CLEC4D: variants seen among roughly 807,000 people sequenced by gnomAD.
The protein encoded by CLEC4D is C-type lectin domain family 4 member D, also known as C-type (calcium dependent, carbohydrate-recognition domain) lectin, superfamily member 8.
In CLEC4D, 21 loss-of-function variants were observed where a neutral mutation model predicts 21.1. The observed-to-expected ratio is 1.00, with a 90% CI of 0.71 to 1.43. The LOEUF is 1.43. Ranked by LOEUF, CLEC4D falls within the 40% of genes most tolerant of loss-of-function variation. The pLI is 0.00. For synonymous variants in CLEC4D, 85 were observed against 83.1 expected, an observed-to-expected ratio of 1.02 and a Z score of -0.12; for missense variants, 289 against 260.7, an observed-to-expected ratio of 1.11 and a Z score of -0.75.
In CLEC4D at chr12:8,521,418, T is replaced by G; in HGVS notation, c.*147T>G. 7.1e-7 allele frequency: 1 copy of G among 1,412,470 alleles called. No homozygotes were observed. The highest frequency in any genetic ancestry group is 9.2e-7 in the Non-Finnish European group (1 of 1,083,766). The allele number at this position is 1,412,470 out of a possible 1,614,324, so 87.5% of individuals were successfully genotyped here. ...AATGGTCTTTTTTATTTTGTTTGAT[T>G]CATTCGAGACAACATGTGTGTATGT... On this transcript the variant is annotated 3_prime_UTR_variant, in exon 6 of 6. Coordinates refer to ENST00000299665, the MANE Select transcript of CLEC4D (RefSeq NM_080387.5).
intron 5 of CLEC4D, among the ~76,000 whole-genome samples, chr12:8,520,634 T>G (rs1940446141): frequency 6.6e-6 from 1 of 152,238 alleles, no homozygotes; most frequent in Non-Finnish European, 1.5e-5. Flanking sequence ...GATAAAAATT[T>G]TCTTTGAAAG....
At chr12:8,515,699 TTCTC>T (rs931378228) in intron 2 of CLEC4D, among the ~76,000 whole-genome samples, 3 of 151,922 alleles carry the variant, frequency 2.0e-5, no homozygotes, top group Non-Finnish European at 4.4e-5. Flanking sequence ...GGAAGAATTG[TTCTC>T]TCTCTCTCTT....
downstream of CLEC4D, among the ~76,000 whole-genome samples, chr12:8,524,541 G>A (rs1940492775): frequency 6.6e-6 from 1 of 152,102 alleles, no homozygotes; most frequent in Non-Finnish European, 1.5e-5. Flanking sequence ...GGGATCAGTG[G>A]TGATATCCCC....
At chr12:8,513,809 C>A in intron 1 of CLEC4D, 49 bp downstream of exon 1, 1 of 855,196 alleles carries the variant, frequency 1.2e-6, no homozygotes, top group Non-Finnish European at 2.0e-6. Flanking sequence ...TGGAATTATA[C>A]TAATTTAAAA....
chr12:8,519,174 A>T lies in CLEC4D; in HGVS notation c.384+14A>T. The T allele has an allele frequency of 2.5e-6, 4 of 1,608,764 alleles. No homozygotes were observed. The highest frequency in any genetic ancestry group is 3.4e-6 in the Non-Finnish European group (4 of 1,177,696). On this transcript the variant is annotated intron_variant, in intron 4 of 5. Transcript: ENST00000299665. ...GAAGCTGAGCAGGTGTGTTGGGAGG[A>T]TCACATCAGTTTCTCTGCTGCTTTG...
chr12:8,516,476 A>T (rs1030239236), intron 2 of CLEC4D, among the ~76,000 whole-genome samples: 1 of 152,254 alleles, frequency 6.6e-6, no homozygotes, highest in Non-Finnish European at 1.5e-5. Flanking sequence ...GAAAAATGAA[A>T]TGTCTAATAA....
chr12:8,517,500 T>C (rs1314068948), intron 2 of CLEC4D, among the ~76,000 whole-genome samples: 1 of 136,300 alleles, frequency 7.3e-6, no homozygotes, highest in Non-Finnish European at 1.6e-5. Flanking sequence ...GAAGGGTACA[T>C]TTGTTTATAT....
the CLEC4D span, among the ~76,000 whole-genome samples, chr12:8,530,952 A>G: frequency 6.6e-6 from 1 of 152,228 alleles, no homozygotes; most frequent in East Asian, 1.9e-4. Context: ...TGACCCGCTC[A>G]GGCTCTACCT....
In CLEC4D at chr12:8,521,674, T is replaced by C. The variant is rs770516774; in HGVS notation, c.*403T>C. 1 of 154,946 alleles carries C rather than the reference T, an allele frequency of 6.5e-6. No individual in the cohort carries two copies. Among genetic ancestry groups the C allele is most frequent in the East Asian group, 1.9e-4 (1 of 5,256 alleles). The allele number at this position is 154,946 out of a possible 1,614,324, so 9.6% of individuals were successfully genotyped here. On this transcript the variant is annotated 3_prime_UTR_variant, in exon 6 of 6. Coordinates refer to ENST00000299665, the MANE Select transcript of CLEC4D (RefSeq NM_080387.5). ...GGATATTCTAACTGGTAGTGGTGCA[T>C]CATTTTTAACCCAAATATTGCAAGC... is the stretch of plus-strand genomic sequence containing the variant.
chr12:8,517,966 G>T (rs1940403853), intron 2 of CLEC4D, among the ~76,000 whole-genome samples, 198 bp from the exon 3 acceptor site: 1 of 152,006 alleles, frequency 6.6e-6, no homozygotes, highest in South Asian at 2.1e-4. Context: ...AGGACAATAT[G>T]ATAATAAAAA....
chr12:8,514,669 C>T (rs1330381534), intron 1 of CLEC4D, among the ~76,000 whole-genome samples: 2 of 152,088 alleles, frequency 1.3e-5, no homozygotes, highest in African/African-American at 4.8e-5. Context: ...CTCAGCCTTG[C>T]CAACACTGCA....
Position 8,521,130 on chromosome 12 carries a change from G to T in CLEC4D, c.507G>T (p.Trp169Cys). The change falls in exon 6 of 6, where the codon TGG becomes TGT. Residue 169 changes from tryptophan to cysteine, a missense_variant. By Grantham distance (215) the Trp-to-Cys change is radical. Coordinates refer to ENST00000299665, the MANE Select transcript of CLEC4D (RefSeq NM_080387.5). ...QTPFNPRRVF[W>C]HKNEPDNSQG... The stretch of plus-strand genomic sequence containing the variant: ...TATGTTGTTGTTCTTTCAGATTCTG[G>T]CATAAGAATGAACCCGACAACTCTC... 4 of 1,611,628 alleles carry T rather than the reference G, an allele frequency of 2.5e-6. No homozygotes were observed. Among genetic ancestry groups the T allele is most frequent in the Non-Finnish European group, 3.4e-6 (4 of 1,178,888 alleles).
At chr12:8,523,642 A>C (rs774392445), downstream of CLEC4D, among the ~76,000 whole-genome samples, 1 of 152,272 alleles carries the variant, frequency 6.6e-6, no homozygotes, top group Admixed American at 6.5e-5. Flanking sequence ...GTTGTCTGCA[A>C]ACAGAGACAA....
chr12:8,519,264 C>T, intron 4 of CLEC4D, 104 bp downstream of exon 4: 2 of 1,411,236 alleles, frequency 1.4e-6, no homozygotes, highest in Non-Finnish European at 1.9e-6. Flanking sequence ...TTCATCTGCT[C>T]CATCTGCCTG....
At position 8,513,671 on chromosome 12, in the gene CLEC4D, G is replaced by A. The variant is rs184997893; in HGVS notation, c.-62G>A. On this transcript the variant is annotated 5_prime_UTR_variant, in exon 1 of 6. Coordinates refer to ENST00000299665, the MANE Select transcript of CLEC4D (RefSeq NM_080387.5). ...CCCCTATCCACAGAAATATACTCTG[G>A]GGGAAAAAAAATAGAACAAATTCTT... The A allele has an allele frequency of 6.2e-5, 52 of 837,788 alleles. No homozygotes were observed. In the African/African-American group the frequency reaches 6.5e-4, roughly 11 times the overall value. 51.9% of individuals were successfully genotyped at this position (837,788 alleles called of 1,614,324 possible). A position where few individuals can be genotyped will look rare whatever the true frequency, so the allele number is the denominator to read the frequency against.
chr12:8,522,647 A>G (rs1284570298), downstream of CLEC4D, among the ~76,000 whole-genome samples: 1 of 152,024 alleles, frequency 6.6e-6, no homozygotes, highest in Admixed American at 6.6e-5. Flanking sequence ...AACCTATGAA[A>G]CTTGTTGAAG....
At chr12:8,525,407 G>C (rs967471712), downstream of CLEC4D, among the ~76,000 whole-genome samples, 5 of 152,180 alleles carry the variant, frequency 3.3e-5, no homozygotes, top group East Asian at 7.7e-4. Flanking sequence ...TATACATTTA[G>C]AGTAGTTATC....
chr12:8,531,072 A>AC, the CLEC4D span, among the ~76,000 whole-genome samples: 2 of 151,132 alleles, frequency 1.3e-5, no homozygotes, highest in South Asian at 4.2e-4. Context: ...TTGCTCAACC[A>AC]CCCCCACGTA....
chr12:8,521,463 T>G lies in CLEC4D; in HGVS notation c.*192T>G. 8.2e-7 allele frequency: 1 copy of G among 1,212,466 alleles called. No homozygotes were observed. The highest frequency in any genetic ancestry group is 3.4e-5 in the Admixed American group (1 of 29,438). 75.1% of individuals were successfully genotyped at this position (1,212,466 alleles called of 1,614,324 possible). A position where few individuals can be genotyped will look rare whatever the true frequency, so the allele number is the denominator to read the frequency against. Reference sequence around the variant, plus strand: ...GTATGTGTGTGTGTGTGTGTGTAGATAATGTGGTTTTTGTATGGTGTTTGA... The same window carrying G: ...GTATGTGTGTGTGTGTGTGTGTAGAGAATGTGGTTTTTGTATGGTGTTTGA... On this transcript the variant is annotated 3_prime_UTR_variant, in exon 6 of 6. Transcript: ENST00000299665.
Sources: gnomAD v4.1 joint callset for allele counts (sites outside exome capture counted in the v4.1 genomes callset) on GRCh38, gnomAD v4.1.1 for gene constraint, MANE v1.5 for transcripts, NCBI Gene and HGNC (gene_info 2026-07-23, HGNC 2026-07-21) for gene names.